IQCH: variants seen among roughly 807,000 people sequenced by gnomAD.
IQCH encodes the protein IQ domain-containing protein H.
In IQCH, 98 loss-of-function variants were observed where a neutral mutation model predicts 117.0. The observed-to-expected ratio is 0.84, with a 90% confidence interval of 0.71 to 0.99. The LOEUF is 0.99. Among genes scored for constraint, IQCH ranks in the 50% least tolerant of loss-of-function variants. The pLI, the probability that IQCH is intolerant of heterozygous loss-of-function variation, is 0.00. For missense variants in IQCH, 1,102 were observed against 1,243.8 expected (o/e 0.89, Z 1.72); for synonymous variants, 412 against 448.2 (o/e 0.92, Z 1.02).
rs978396815 is a variant in IQCH at position 67,432,311 on chromosome 15, T to C, written c.2505+10734T>C. 9.9e-5 allele frequency among the ~76,000 whole-genome samples: 15 copies of C among 152,170 alleles called. No homozygotes were observed. Among genetic ancestry groups the C allele is most frequent in the Admixed American group, 7.2e-4 (11 of 15,272 alleles). On this transcript the variant is annotated intron_variant, in intron 16 of 20. Coordinates refer to ENST00000335894, the MANE Select transcript of IQCH (RefSeq NM_001031715.3). This position sits in a 1 kb window ranked among gnomAD's most constrained non-coding sequence, Gnocchi z 5.0. ...ATGGAGGCCCTGATATATACCGCAG[T>C]ATATCCCATAAAGTCTGAAAACGAT...
chr15:67,379,332 C>G (rs1970842803), intron 10 of IQCH, among the ~76,000 whole-genome samples: 1 of 152,158 alleles, frequency 6.6e-6, no homozygotes, highest in Non-Finnish European at 1.5e-5. Flanking sequence ...AATGGTAATT[C>G]TAAGTGTTAG....
chr15:67,320,861 A>G (rs1968084037), intron 4 of IQCH, among the ~76,000 whole-genome samples: 1 of 152,190 alleles, frequency 6.6e-6, no homozygotes, highest in Non-Finnish European at 1.5e-5. Context: ...AAATTGGGAA[A>G]CATGAGGTTA....
intron 4 of IQCH, among the ~76,000 whole-genome samples, chr15:67,324,173 C>T (rs1159717576): frequency 2.0e-5 from 3 of 151,722 alleles, no homozygotes; most frequent in African/African-American, 7.3e-5. Context: ...TCTCGAACTC[C>T]TCACCTTGTG....
chr15:67,255,011 C>G lies in IQCH; in HGVS notation c.51+64C>G, dbSNP rs3743348. 4.7e-6 allele frequency: 7 copies of G among 1,495,370 alleles called. No individual in the cohort carries two copies. In the East Asian group the frequency reaches 1.6e-4, roughly 35 times the overall value. The allele number at this position is 1,495,370 out of a possible 1,614,324, so 92.6% of individuals were successfully genotyped here. Reference sequence around the variant, plus strand: ...CGCGCCACTTCCGAGCGAGGTCCCGCGCGCCGATTCACCGACGCTCACCCA... The same window carrying G: ...CGCGCCACTTCCGAGCGAGGTCCCGGGCGCCGATTCACCGACGCTCACCCA... On this transcript the variant is annotated intron_variant, in intron 1 of 20. Coordinates refer to ENST00000335894, the MANE Select transcript of IQCH (RefSeq NM_001031715.3).
rs549870379 is a variant in IQCH, at chr15:67,458,154, A to G, written c.2506-6973A>G. ...AGGAGAAAAAGTGCCTGAGATTTCA[A>G]CCCACCCTCTATAACATGCTGTAAC... On this transcript the variant is annotated intron_variant, in intron 16 of 20. Coordinates refer to ENST00000335894, the MANE Select transcript of IQCH (RefSeq NM_001031715.3). This position sits in a 1 kb window ranked among gnomAD's most constrained non-coding sequence, Gnocchi z 4.1. Among the ~76,000 whole-genome samples the G allele has an allele frequency of 1.3e-5, 2 of 152,322 alleles. No individual in the cohort carries two copies. Among genetic ancestry groups the G allele is most frequent in the East Asian group, 3.9e-4 (2 of 5,188 alleles).
At chr15:67,358,190 A>C in intron 7 of IQCH, among the ~76,000 whole-genome samples, 2 of 18,154 alleles carry the variant, frequency 1.1e-4, no homozygotes, top group African/African-American at 1.8e-4. Flanking sequence ...TTTAACCATC[A>C]TGAGGCACTT....
chr15:67,350,977 C>T (rs565285865), intron 6 of IQCH, among the ~76,000 whole-genome samples: 1 of 152,202 alleles, frequency 6.6e-6, no homozygotes, highest in South Asian at 2.1e-4. Flanking sequence ...CTAGAGATGC[C>T]AGGGCCCTCC....
chr15:67,374,944 C>T (rs1413166016), intron 10 of IQCH, among the ~76,000 whole-genome samples: 1 of 152,182 alleles, frequency 6.6e-6, no homozygotes, highest in Non-Finnish European at 1.5e-5. Flanking sequence ...CAGGGCCCCC[C>T]ACTTTGCAAA....
chr15:67,274,393 G>A (rs1489510719), intron 3 of IQCH, among the ~76,000 whole-genome samples: 1 of 151,990 alleles, frequency 6.6e-6, no homozygotes, highest in African/African-American at 2.4e-5. Context: ...TTCTCAAATA[G>A]CCTGTCCTGA....
At position 67,424,778 on chromosome 15, in the gene IQCH, T is replaced by C. The variant is rs562904394; in HGVS notation, c.2505+3201T>C. On this transcript the variant is annotated intron_variant, in intron 16 of 20. Coordinates refer to ENST00000335894, the MANE Select transcript of IQCH (RefSeq NM_001031715.3). The surrounding 1 kb of genome is among the most constrained non-coding windows in gnomAD (Gnocchi z 4.9). ...CTTCAGTATATGATCATTTGTGTTA[T>C]AGTTATCAACAGAATATTGGAAGAA... Among the ~76,000 whole-genome samples the C allele has an allele frequency of 1.4e-4, 22 of 152,380 alleles. No homozygotes were observed. The highest frequency in any genetic ancestry group is 3.8e-4 in the African/African-American group (16 of 41,598).
intron 20 of IQCH, among the ~76,000 whole-genome samples, chr15:67,497,089 T>C (rs139910209): frequency 9.0e-6 from 1 of 111,040 alleles, no homozygotes; most frequent in Non-Finnish European, 1.9e-5. Context: ...TTCTTGTAAA[T>C]AGAAAATCCT....
rs1436511621 is a variant in IQCH at position 67,384,952 on chromosome 15, G to A, written c.1389G>A (p.Val463=). 9.9e-6 allele frequency: 16 copies of A among 1,611,476 alleles called. No homozygotes were observed. The highest frequency in any genetic ancestry group is 1.2e-5 in the Non-Finnish European group (14 of 1,177,856). ...HIPSLGYSQP[V]REHIADFNTQ... ...GCCTTTTAGGGTATTCCCAGCCTGT[G>A]AGAGAACATATTGCCGATTTCAACA... The change falls in exon 11 of 21, where the codon GTG becomes GTA. Residue 463 remains valine, a synonymous_variant. Transcript: ENST00000335894. This position sits in a 1 kb window ranked among gnomAD's most constrained non-coding sequence, Gnocchi z 4.3.
chr15:67,338,668 G>C (rs906090847), intron 5 of IQCH, among the ~76,000 whole-genome samples: 1 of 152,094 alleles, frequency 6.6e-6, no homozygotes. Flanking sequence ...TGAATACCTG[G>C]CTAAATCCAA....
chr15:67,423,174 G>T (rs1261482186), intron 16 of IQCH, among the ~76,000 whole-genome samples: 1 of 152,190 alleles, frequency 6.6e-6, no homozygotes, highest in East Asian at 1.9e-4. Context: ...TCCCTGTGGT[G>T]GAGGCAGGAC....
At position 67,365,025 on chromosome 15, in the gene IQCH, T is replaced by G. The variant is rs1970282376; in HGVS notation, c.753+5140T>G. Among the ~76,000 whole-genome samples the G allele has an allele frequency of 1.3e-5, 2 of 152,198 alleles. No homozygotes were observed. Among genetic ancestry groups the G allele is most frequent in the South Asian group, 4.1e-4 (2 of 4,828 alleles). The stretch of plus-strand genomic sequence containing the variant: ...GCACGATTGTGGCTCACTGCAGCCT[T>G]GACCTGCCGGGGCTCAAGCAGTCCT... On this transcript the variant is annotated intron_variant, in intron 8 of 20. Transcript: ENST00000335894. This position sits in a 1 kb window ranked among gnomAD's most constrained non-coding sequence, Gnocchi z 4.4.
At chr15:67,442,852 A>G (rs535463760) in intron 16 of IQCH, among the ~76,000 whole-genome samples, 1 of 144,690 alleles carries the variant, frequency 6.9e-6, no homozygotes, top group Non-Finnish European at 1.5e-5. Context: ...AGATAGATAG[A>G]TAGATAGATA....
chr15:67,338,717 A>G lies in IQCH; in HGVS notation c.508+1622A>G, dbSNP rs142211749. Reference sequence around the variant, plus strand: ...GCCCCACCCCTCCAAATGGTTAAGAATACAAGTTTTACATTACATAGACCA... The same window carrying G: ...GCCCCACCCCTCCAAATGGTTAAGAGTACAAGTTTTACATTACATAGACCA... On this transcript the variant is annotated intron_variant, in intron 5 of 20. Coordinates refer to ENST00000335894, the MANE Select transcript of IQCH (RefSeq NM_001031715.3). 8.7e-3 allele frequency among the ~76,000 whole-genome samples: 1,324 copies of G among 152,304 alleles called. 17 individuals are homozygous for G. The highest frequency in any genetic ancestry group is 0.029 in the African/African-American group (1,199 of 41,574).
In IQCH at chr15:67,500,826, C is replaced by A; in HGVS notation, c.*80C>A. 1.5e-6 allele frequency: 1 copy of A among 670,182 alleles called. No homozygotes were observed. The highest frequency in any genetic ancestry group is 3.2e-5 in the Admixed American group (1 of 31,028). 41.5% of individuals were successfully genotyped at this position (670,182 alleles called of 1,614,324 possible). On this transcript the variant is annotated 3_prime_UTR_variant, in exon 21 of 21. Transcript: ENST00000335894. This position sits in a 1 kb window ranked among gnomAD's most constrained non-coding sequence, Gnocchi z 4.4. Reference sequence around the variant, plus strand: ...TTTTTTTTTCTGTTAGAAATAAAAGCCAGGGGAAATTGGTTTGCTTTGTGT... The same window carrying A: ...TTTTTTTTTCTGTTAGAAATAAAAGACAGGGGAAATTGGTTTGCTTTGTGT...
chr15:67,433,496 T>A lies in IQCH; in HGVS notation c.2505+11919T>A, dbSNP rs2082061007. Among the ~76,000 whole-genome samples the A allele has an allele frequency of 6.6e-6, 1 of 152,202 alleles. No homozygotes were observed. The highest frequency in any genetic ancestry group is 1.5e-5 in the Non-Finnish European group (1 of 68,040). The stretch of plus-strand genomic sequence containing the variant: ...ATCAGCTCTTGGGTAGGATTTTGGT[T>A]GATCTGCATATAACGGACCTAATTC... On this transcript the variant is annotated intron_variant, in intron 16 of 20. Coordinates refer to ENST00000335894, the MANE Select transcript of IQCH (RefSeq NM_001031715.3). This position sits in a 1 kb window ranked among gnomAD's most constrained non-coding sequence, Gnocchi z 5.4.
Sources: gnomAD v4.1 joint callset for allele counts (sites outside exome capture counted in the v4.1 genomes callset) on GRCh38, gnomAD v4.1.1 for gene constraint, Gnocchi (gnomAD v3.1) non-coding constraint, MANE v1.5 for transcripts, NCBI Gene and HGNC (gene_info 2026-07-23, HGNC 2026-07-21) for gene names.